The following HPD variants were observed in gnomAD, a reference collection of about 807,000 sequenced individuals.
HPD encodes the protein 4-hydroxyphenylpyruvate dioxygenase, also known as 4-hydroxyphenylpyruvic acid oxidase.
In HPD, 35 loss-of-function variants were observed where a neutral mutation model predicts 56.9. The ratio of observed to expected loss-of-function variants is 0.62; its 90% CI spans 0.47 to 0.82. The LOEUF is 0.82. Among genes scored for constraint, HPD ranks in the 40% least tolerant of loss-of-function variants. The probability of loss-of-function intolerance (pLI) is 0.00; values close to 1 mark genes in which losing one functional copy is unlikely to be tolerated. For missense variants in HPD, 442 were observed against 506.8 expected (o/e 0.87, Z 1.23); for synonymous variants, 186 against 200.2 (o/e 0.93, Z 0.60).
upstream of HPD, chr12:121,858,898 A>G: frequency 6.3e-7 from 1 of 1,583,400 alleles, no homozygotes; most frequent in Admixed American, 1.7e-5. Context: ...AACCCCAAGC[A>G]GGTCCCGCCC....
intron 7 of HPD, among the ~76,000 whole-genome samples, chr12:121,851,810 C>A (rs1185459211): frequency 0.036 from 885 of 24,314 alleles, 329 homozygotes; most frequent in Middle Eastern, 0.05. Context: ...CCCGGGTTCA[C>A]GCCATTCTCC....
At chr12:121,852,622 C>CT (rs1176954964) in intron 7 of HPD, among the ~76,000 whole-genome samples, 13,692 of 70,384 alleles carry the variant, frequency 0.19, 3,308 homozygotes, top group Non-Finnish European at 0.22. Flanking sequence ...TCATTGGATC[C>CT]TTTTTTTTTT....
upstream of HPD, among the ~76,000 whole-genome samples, chr12:121,861,752 T>C (rs979021121): frequency 6.6e-6 from 1 of 152,282 alleles, no homozygotes; most frequent in African/African-American, 2.4e-5. Context: ...TTTACAGGCG[T>C]CCACCCGGGC....
chr12:121,840,554 C>T (rs973074482), intron 12 of HPD, among the ~76,000 whole-genome samples: 3 of 152,060 alleles, frequency 2.0e-5, no homozygotes, highest in Non-Finnish European at 4.4e-5. Flanking sequence ...CCCACCTCGA[C>T]CTCCCAAAGT....
chr12:121,883,179 GTTGTGT>G, the HPD span, among the ~76,000 whole-genome samples: 1 of 117,434 alleles, frequency 8.5e-6, no homozygotes, highest in South Asian at 3.0e-4. Flanking sequence ...TGGAGCATAA[GTTGTGT>G]GTGTGTGTGT....
chr12:121,842,116 C>A (rs1877427779), intron 12 of HPD, among the ~76,000 whole-genome samples: 1 of 151,814 alleles, frequency 6.6e-6, no homozygotes, highest in African/African-American at 2.4e-5. Flanking sequence ...CTAAGAGGCT[C>A]AAGGTTTCTT....
At chr12:121,852,622 C>CTTTTTTTTTTTTT (rs1176954964) in intron 7 of HPD, among the ~76,000 whole-genome samples, 1 of 70,506 alleles carries the variant, frequency 1.4e-5, no homozygotes, top group African/African-American at 6.2e-5. Context: ...TCATTGGATC[C>CTTTTTTTTTTTTT]TTTTTTTTTT....
upstream of HPD, among the ~76,000 whole-genome samples, chr12:121,862,218 G>A (rs915296301): frequency 2.6e-5 from 4 of 152,074 alleles, no homozygotes; most frequent in Non-Finnish European, 5.9e-5. Context: ...GACAGTGTGG[G>A]TCACTTACAG....
intron 11 of HPD, among the ~76,000 whole-genome samples, chr12:121,844,252 C>G (rs888200543): frequency 2.6e-5 from 4 of 152,058 alleles, no homozygotes; most frequent in African/African-American, 9.6e-5. Flanking sequence ...ACCATGTTAG[C>G]CAGGTTGGTC....
intron 7 of HPD, 164 bp from the exon 8 acceptor site, chr12:121,849,954 A>G (rs772632188): frequency 1.5e-6 from 1 of 659,918 alleles, no homozygotes; most frequent in Admixed American, 2.1e-5. Context: ...ATGAATTGCA[A>G]TCTGTCACTT....
intron 7 of HPD, among the ~76,000 whole-genome samples, chr12:121,850,692 CTTTTTTTT>C (rs1206546215): frequency 3.3e-5 from 3 of 91,608 alleles, no homozygotes; most frequent in East Asian, 4.0e-4. Context: ...TGTACCTAGC[CTTTTTTTT>C]TTTTTTTTTT....
intron 7 of HPD, among the ~76,000 whole-genome samples, chr12:121,852,339 T>TCCC: frequency 6.6e-6 from 1 of 151,996 alleles, no homozygotes; most frequent in Non-Finnish European, 1.5e-5. Flanking sequence ...TTTATTTGTA[T>TCCC]TTTTAATTTT....
chr12:121,843,882 C>T, intron 11 of HPD, 50 bp from the exon 12 acceptor site: 1 of 1,613,256 alleles, frequency 6.2e-7, no homozygotes, highest in Non-Finnish European at 8.5e-7. Flanking sequence ...AGTTCAACTC[C>T]CCTAGCCAGG....
chr12:121,855,126 T>G (rs1877946407), intron 6 of HPD, among the ~76,000 whole-genome samples: 2 of 152,206 alleles, frequency 1.3e-5, no homozygotes, highest in South Asian at 4.1e-4. Flanking sequence ...TGGATGAGAA[T>G]AATAAGAAGA....
the HPD span, among the ~76,000 whole-genome samples, chr12:121,886,180 C>T: frequency 6.7e-6 from 1 of 149,746 alleles, no homozygotes; most frequent in Middle Eastern, 3.5e-3. Flanking sequence ...ACGATCTCTG[C>T]TCACTGCAAG....
chr12:121,844,056 T>C (rs1056356336), intron 11 of HPD, among the ~76,000 whole-genome samples: 1 of 152,098 alleles, frequency 6.6e-6, no homozygotes, highest in African/African-American at 2.4e-5. Context: ...GAGCACTTTC[T>C]TTTTTTCTTT....
At chr12:121,869,158 T>G in the HPD span, among the ~76,000 whole-genome samples, 1 of 152,034 alleles carries the variant, frequency 6.6e-6, no homozygotes, top group East Asian at 2.0e-4. Context: ...GAGACCAGCC[T>G]GGCCAACATG....
chr12:121,854,888 A>G, intron 6 of HPD, 96 bp from the exon 7 acceptor site: 5 of 901,480 alleles, frequency 5.5e-6, no homozygotes, highest in Non-Finnish European at 5.6e-6. Context: ...GTGGTCCTGC[A>G]GGCCCCTCCA....
intron 7 of HPD, among the ~76,000 whole-genome samples, chr12:121,850,212 G>T (rs1400930060): frequency 6.6e-6 from 1 of 152,016 alleles, no homozygotes; most frequent in Non-Finnish European, 1.5e-5. Context: ...ATGAGGTCAG[G>T]AGATCGAGAC....
Sources: allele counts gnomAD v4.1 joint callset (sites outside exome capture counted in the v4.1 genomes callset), GRCh38; gene constraint gnomAD v4.1.1; transcripts MANE v1.5; gene names NCBI Gene and HGNC (gene_info 2026-07-23, HGNC 2026-07-21).